The following UBE2H variants were observed in gnomAD, a reference collection of about 807,000 sequenced individuals.
UBE2H encodes the protein ubiquitin conjugating enzyme E2 H.
UBE2H carries 3 observed loss-of-function variants against 29.0 expected under a neutral mutation model. That is an observed-to-expected ratio of 0.10 (90% CI 0.05 to 0.27). The LOEUF (loss-of-function observed/expected upper bound fraction) is 0.27. Ranked by LOEUF, UBE2H falls within the 10% of genes least tolerant of loss-of-function variation. The pLI, the probability that UBE2H is intolerant of heterozygous loss-of-function variation, is 1.00. For synonymous variants in UBE2H, 69 were observed against 82.9 expected (o/e 0.83, Z 0.91); for missense variants, 68 against 228.2 (o/e 0.30, Z 4.52).
At chr7:129,909,036 T>C (rs1806876054) in intron 1 of UBE2H, among the ~76,000 whole-genome samples, 1 of 152,220 alleles carries the variant, frequency 6.6e-6, no homozygotes, top group African/African-American at 2.4e-5. Context: ...AACTCTGGAA[T>C]ATTAGCCATC....
At chr7:129,888,633 CCTGG>C (rs917260392) in intron 1 of UBE2H, among the ~76,000 whole-genome samples, 1 of 152,164 alleles carries the variant, frequency 6.6e-6, no homozygotes, top group Non-Finnish European at 1.5e-5. Flanking sequence ...TGGCACCACA[CCTGG>C]CTAATTTTTG....
At chr7:129,846,899 C>T (rs1182216957) in intron 5 of UBE2H, among the ~76,000 whole-genome samples, 1 of 152,190 alleles carries the variant, frequency 6.6e-6, no homozygotes, top group African/African-American at 2.4e-5. Context: ...TAACAAAAAA[C>T]TTATCGGGAA....
intron 5 of UBE2H, among the ~76,000 whole-genome samples, chr7:129,846,395 T>C (rs546020498): frequency 6.1e-5 from 9 of 148,584 alleles, no homozygotes; most frequent in East Asian, 5.8e-4. Context: ...TAATTGGGCA[T>C]GGTGGCATGT....
intron 1 of UBE2H, among the ~76,000 whole-genome samples, chr7:129,898,813 C>CT (rs60318810): frequency 0.09 from 13,079 of 145,692 alleles, 912 homozygotes; most frequent in African/African-American, 0.19. Context: ...AGTTGCAGGC[C>CT]TTTTTTTTTT....
intron 1 of UBE2H, among the ~76,000 whole-genome samples, chr7:129,925,730 C>T (rs756003651): frequency 6.6e-6 from 1 of 152,186 alleles, no homozygotes; most frequent in African/African-American, 2.4e-5. Flanking sequence ...TAGCTCTTAG[C>T]CTTCTGCCTA....
chr7:129,898,336 A>C (rs547283205), intron 1 of UBE2H, among the ~76,000 whole-genome samples: 2 of 152,356 alleles, frequency 1.3e-5, no homozygotes, highest in Non-Finnish European at 2.9e-5. Context: ...ATGATCTGTC[A>C]GGTACAATTA....
At chr7:129,870,909 A>C (rs938318374) in intron 3 of UBE2H, among the ~76,000 whole-genome samples, 1 of 152,070 alleles carries the variant, frequency 6.6e-6, no homozygotes, top group African/African-American at 2.4e-5. Context: ...GGGCCTTTGT[A>C]CTCAAAATTT....
chr7:129,881,053 TA>T, intron 1 of UBE2H, 82 bp from the exon 2 acceptor site: 5 of 1,253,830 alleles, frequency 4.0e-6, no homozygotes, highest in Non-Finnish European at 5.5e-6. Context: ...ATATGCCACT[TA>T]AAGTGTTACC....
intron 1 of UBE2H, among the ~76,000 whole-genome samples, chr7:129,913,431 T>TA (rs754316037): frequency 4.6e-5 from 7 of 152,130 alleles, no homozygotes; most frequent in Non-Finnish European, 1.0e-4. Flanking sequence ...CTTGACCTGT[T>TA]ACAAAAGGTC....
chr7:129,852,821 G>T (rs1275020908), intron 5 of UBE2H, among the ~76,000 whole-genome samples: 1 of 152,046 alleles, frequency 6.6e-6, no homozygotes, highest in Non-Finnish European at 1.5e-5. Flanking sequence ...CGCCTCCCGG[G>T]TTCAAGCAAT....
intron 1 of UBE2H, among the ~76,000 whole-genome samples, chr7:129,886,935 T>C (rs1163070648): frequency 2.0e-5 from 3 of 152,096 alleles, no homozygotes; most frequent in Non-Finnish European, 4.4e-5. Flanking sequence ...TGCTAGTAAA[T>C]AACCCAGTGT....
intron 5 of UBE2H, among the ~76,000 whole-genome samples, chr7:129,854,224 A>G (rs1482547371): frequency 6.6e-6 from 1 of 152,174 alleles, no homozygotes; most frequent in African/African-American, 2.4e-5. Flanking sequence ...ATAAAAATTC[A>G]GTTCAGATCT....
chr7:129,937,696 T>C (rs557707629), intron 1 of UBE2H, among the ~76,000 whole-genome samples: 2 of 152,318 alleles, frequency 1.3e-5, no homozygotes, highest in South Asian at 4.1e-4. Flanking sequence ...ATCAAGGCAT[T>C]CAAAGGTCTA....
intron 1 of UBE2H, among the ~76,000 whole-genome samples, chr7:129,929,023 G>A (rs954606304): frequency 2.0e-5 from 3 of 152,040 alleles, no homozygotes; most frequent in Non-Finnish European, 1.5e-5. Flanking sequence ...TGCCTGATAA[G>A]AGTAACATTT....
At chr7:129,895,866 ACT>A (rs1045999112) in intron 1 of UBE2H, among the ~76,000 whole-genome samples, 31 of 151,942 alleles carry the variant, frequency 2.0e-4, no homozygotes, top group African/African-American at 7.0e-4. Flanking sequence ...ACAAAGCAAG[ACT>A]CTGTCTCAGA....
At chr7:129,854,100 C>T (rs1165743045) in intron 5 of UBE2H, among the ~76,000 whole-genome samples, 1 of 84,634 alleles carries the variant, frequency 1.2e-5, no homozygotes, top group African/African-American at 4.5e-5. Flanking sequence ...CAGGGGTTGG[C>T]GGGGGCAGTC....
At chr7:129,914,884 G>GT (rs1313797439) in intron 1 of UBE2H, among the ~76,000 whole-genome samples, 1 of 152,152 alleles carries the variant, frequency 6.6e-6, no homozygotes, top group Non-Finnish European at 1.5e-5. Flanking sequence ...AAAGAAAACA[G>GT]TACCTACCTC....
intron 1 of UBE2H, among the ~76,000 whole-genome samples, chr7:129,927,228 A>C (rs979627163): frequency 6.6e-6 from 1 of 152,214 alleles, no homozygotes; most frequent in Non-Finnish European, 1.5e-5. Context: ...TTTTTAAGAA[A>C]CCTATTAGAA....
chr7:129,842,347 T>C (rs1321036485), intron 5 of UBE2H, among the ~76,000 whole-genome samples: 1 of 152,028 alleles, frequency 6.6e-6, no homozygotes, highest in Non-Finnish European at 1.5e-5. Flanking sequence ...GCAGAATTGC[T>C]TGAACCTGGG....
Sources: allele counts gnomAD v4.1 joint callset (sites outside exome capture counted in the v4.1 genomes callset), GRCh38; gene constraint gnomAD v4.1.1; transcripts MANE v1.5; gene names NCBI Gene and HGNC (gene_info 2026-07-23, HGNC 2026-07-21).